Variants in RBFOX1 observed in about 807,000 individuals in gnomAD.
RBFOX1 encodes RNA binding fox-1 homolog 1, also known as RNA binding protein fox-1 homolog 1.
In RBFOX1, 8 loss-of-function variants were observed where a neutral mutation model predicts 57.7. The ratio of observed to expected loss-of-function variants is 0.14; its 90% CI spans 0.08 to 0.25. RBFOX1 has a LOEUF of 0.25. Ranked by LOEUF, RBFOX1 falls within the 10% of genes least tolerant of loss-of-function variation. The pLI is 1.00. For missense variants in RBFOX1, 611 were observed against 548.5 expected (o/e 1.11, Z -1.14); for synonymous variants, 326 against 222.4 (o/e 1.47, Z -4.15).
intron 3 of RBFOX1, among the ~76,000 whole-genome samples, chr16:6,839,835 C>A (rs1416969844): frequency 6.6e-6 from 1 of 152,206 alleles, no homozygotes; most frequent in Admixed American, 6.5e-5. Context: ...TAGCTATAAT[C>A]ATACCTCTGT....
At chr16:5,271,728 T>G (rs1375912013) in intron 1 of RBFOX1, among the ~76,000 whole-genome samples, 1 of 152,244 alleles carries the variant, frequency 6.6e-6, no homozygotes, top group African/African-American at 2.4e-5. Context: ...TTTGTACCCT[T>G]TGACCAGTGT....
At chr16:7,507,689 A>T (rs1223946513) in intron 4 of RBFOX1, among the ~76,000 whole-genome samples, 1 of 147,894 alleles carries the variant, frequency 6.8e-6, no homozygotes, top group African/African-American at 2.5e-5. Flanking sequence ...TCAACCTCCC[A>T]AGTAGCTGGG....
At chr16:7,687,143 T>C (rs2076239244) in intron 14 of RBFOX1, among the ~76,000 whole-genome samples, 1 of 152,112 alleles carries the variant, frequency 6.6e-6, no homozygotes. Context: ...CTTGTCTGTG[T>C]ATACCCTGTC....
chr16:6,940,654 G>A (rs908803987), intron 3 of RBFOX1, among the ~76,000 whole-genome samples: 1 of 152,052 alleles, frequency 6.6e-6, no homozygotes, highest in African/African-American at 2.4e-5. Context: ...CTGGAGTGGA[G>A]CGACGCGATC....
intron 3 of RBFOX1, among the ~76,000 whole-genome samples, chr16:5,777,369 G>A (rs568637014): frequency 6.6e-6 from 1 of 152,184 alleles, no homozygotes; most frequent in Non-Finnish European, 1.5e-5. Context: ...GGATAATTCA[G>A]GGAAAATACC....
At chr16:6,726,939 A>T (rs1434832810) in intron 3 of RBFOX1, among the ~76,000 whole-genome samples, 2 of 151,910 alleles carry the variant, frequency 1.3e-5, no homozygotes, top group Non-Finnish European at 2.9e-5. Flanking sequence ...CACAATTAAC[A>T]CTTTCTAATG....
chr16:7,565,370 CT>C (rs1435629619), intron 5 of RBFOX1, among the ~76,000 whole-genome samples: 1 of 152,082 alleles, frequency 6.6e-6, no homozygotes, highest in Non-Finnish European at 1.5e-5. Flanking sequence ...TTCTCGATTG[CT>C]TTTTTATCAG....
At chr16:5,399,988 G>A (rs115380141) in intron 1 of RBFOX1, among the ~76,000 whole-genome samples, 1,529 of 152,154 alleles carry the variant, frequency 0.01, 28 homozygotes, top group African/African-American at 0.035. Context: ...CTAACCATAT[G>A]TTTGCCCTCC....
At chr16:6,805,447 A>G (rs2086527983) in intron 3 of RBFOX1, among the ~76,000 whole-genome samples, 1 of 152,286 alleles carries the variant, frequency 6.6e-6, no homozygotes, top group African/African-American at 2.4e-5. Flanking sequence ...TACTTGGCTT[A>G]GTACCTGGGT....
At chr16:5,858,522 C>G (rs1484605934) in intron 3 of RBFOX1, among the ~76,000 whole-genome samples, 1 of 152,204 alleles carries the variant, frequency 6.6e-6, no homozygotes, top group Admixed American at 6.5e-5. Context: ...CTCTCTTCTG[C>G]CTCTTGCTCC....
At chr16:5,308,338 A>G (rs2063992601) in intron 1 of RBFOX1, among the ~76,000 whole-genome samples, 1 of 16,740 alleles carries the variant, frequency 6.0e-5, no homozygotes, top group Non-Finnish European at 1.1e-4. Context: ...AAAAAAAAAA[A>G]GAACAAAGAA....
intron 2 of RBFOX1, among the ~76,000 whole-genome samples, chr16:5,586,075 G>A (rs896035292): frequency 7.2e-5 from 11 of 152,138 alleles, no homozygotes; most frequent in African/African-American, 2.7e-4. Flanking sequence ...CAGAGAAGAA[G>A]GCCATGTAGA....
At chr16:6,655,329 G>C (rs2098640487) in intron 3 of RBFOX1, among the ~76,000 whole-genome samples, 1 of 121,546 alleles carries the variant, frequency 8.2e-6, no homozygotes. Context: ...AGCCAAAATT[G>C]CACCAGCGCA....
intron 4 of RBFOX1, among the ~76,000 whole-genome samples, chr16:7,213,906 G>T (rs1430847495): frequency 6.6e-6 from 1 of 151,550 alleles, no homozygotes; most frequent in African/African-American, 2.4e-5. Flanking sequence ...GCCAGCCAGA[G>T]GGCATGCAGG....
chr16:6,425,161 G>C (rs1430735001), intron 2 of RBFOX1, among the ~76,000 whole-genome samples: 1 of 152,142 alleles, frequency 6.6e-6, no homozygotes, highest in East Asian at 1.9e-4. Context: ...GCTGAAATCT[G>C]AGTAGATAGA....
At chr16:6,767,947 T>TAAGAAGAAGAAGAAGAAGAAGAAGAAG (rs71145291) in intron 3 of RBFOX1, among the ~76,000 whole-genome samples, 41 of 101,026 alleles carry the variant, frequency 4.1e-4, no homozygotes, top group African/African-American at 1.5e-3. Context: ...ATAATAATAA[T>TAAGAAGAAGAAGAAGAAGAAGAAGAAG]AAGAAGAAGA....
In RBFOX1 at chr16:6,068,199, A is replaced by C. The variant is rs569190067; in HGVS notation, c.-127+48207A>C. On this transcript the variant is annotated intron_variant, in intron 1 of 15. Coordinates refer to ENST00000550418, the MANE Select transcript of RBFOX1 (RefSeq NM_018723.4). ...CTCCCCTTTGGGTCTGAGATCATAC[A>C]TACCTGGCTTGTGGTCCAGTGCAAG... 2.9e-4 allele frequency among the ~76,000 whole-genome samples: 44 copies of C among 152,280 alleles called. 1 individual carries two copies. The South Asian group carries it at 7.9e-3, about 27-fold the overall frequency.
intron 4 of RBFOX1, among the ~76,000 whole-genome samples, chr16:5,883,513 C>T (rs964278434): frequency 1.2e-4 from 13 of 107,256 alleles, no homozygotes; most frequent in African/African-American, 5.5e-4. Flanking sequence ...ATCCCAGATA[C>T]GGGTGGCAAA....
intron 14 of RBFOX1, 98 bp downstream of exon 14, chr16:7,676,936 G>A (rs895481788): frequency 1.6e-6 from 2 of 1,250,718 alleles, no homozygotes; most frequent in African/African-American, 2.9e-5. Flanking sequence ...CTGCATGACT[G>A]CTGGGGGAGG....
Sources: gnomAD v4.1 joint callset for allele counts (sites outside exome capture counted in the v4.1 genomes callset) on GRCh38, gnomAD v4.1.1 for gene constraint, MANE v1.5 for transcripts, NCBI Gene and HGNC (gene_info 2026-07-23, HGNC 2026-07-21) for gene names.